PRCP: variants seen among roughly 807,000 people sequenced by gnomAD.
PRCP encodes lysosomal Pro-X carboxypeptidase.
A neutral mutation model predicts 54.2 loss-of-function variants in PRCP; 46 were observed. The ratio of observed to expected loss-of-function variants is 0.85; its 90% CI spans 0.67 to 1.09. The LOEUF (loss-of-function observed/expected upper bound fraction) is 1.09. PRCP is among the 50% of genes least tolerant of loss of function. The pLI is 0.00. For synonymous variants in PRCP, 240 were observed against 212.2 expected (o/e 1.13, Z -1.14); for missense variants, 613 against 596.8 (o/e 1.03, Z -0.28).
chr11:82,885,954 G>C (rs1348487857), intron 1 of PRCP, among the ~76,000 whole-genome samples: 1 of 152,036 alleles, frequency 6.6e-6, no homozygotes, highest in East Asian at 1.9e-4. Flanking sequence ...CCTTGGATAG[G>C]ACCTTTTTGT....
At position 82,871,270 on chromosome 11, in the gene PRCP, C is replaced by G. The variant is rs938046609; in HGVS notation, c.169-11153G>C. 1.1e-4 allele frequency among the ~76,000 whole-genome samples: 17 copies of G among 148,588 alleles called. No individual in the cohort carries two copies. The East Asian group carries it at 3.2e-3, about 28-fold the overall frequency. ...ATCTTGGCTCGTGCAAACTTCGTCT[C>G]CTGGGTTCAAGCAATTCTCCTGCCT... On this transcript the variant is annotated intron_variant, in intron 1 of 8. Coordinates refer to ENST00000313010, the MANE Select transcript of PRCP (RefSeq NM_005040.4).
At chr11:82,871,927 G>A (rs142683846) in intron 1 of PRCP, among the ~76,000 whole-genome samples, 1 of 152,318 alleles carries the variant, frequency 6.6e-6, no homozygotes, top group East Asian at 1.9e-4. Context: ...AATAACCGAT[G>A]AGTGTGCTTA....
chr11:82,849,009 T>A, intron 6 of PRCP, 40 bp downstream of exon 6: 1 of 1,570,018 alleles, frequency 6.4e-7, no homozygotes, highest in Non-Finnish European at 8.7e-7. Context: ...AAAAAAAAAG[T>A]GTGTTATTAA....
chr11:82,880,854 C>T (rs1286558817), intron 1 of PRCP, among the ~76,000 whole-genome samples: 5 of 150,380 alleles, frequency 3.3e-5, no homozygotes, highest in Admixed American at 3.3e-4. Context: ...AAAAAAAAAC[C>T]CTCTGCAAGG....
At chr11:82,871,584 T>C (rs565467251) in intron 1 of PRCP, among the ~76,000 whole-genome samples, 1 of 152,308 alleles carries the variant, frequency 6.6e-6, no homozygotes, top group East Asian at 1.9e-4. Context: ...TGGTATAATG[T>C]AAAAGGACAA....
intron 2 of PRCP, among the ~76,000 whole-genome samples, chr11:82,855,725 A>G (rs1859067483): frequency 6.6e-6 from 1 of 152,210 alleles, no homozygotes; most frequent in African/African-American, 2.4e-5. Context: ...AAGAAGACAT[A>G]CACAAGGCCA....
At chr11:82,899,974 A>G in intron 1 of PRCP, 1 of 467,750 alleles carries the variant, frequency 2.1e-6, no homozygotes, top group Non-Finnish European at 3.8e-6. Flanking sequence ...AGGGAGTTGA[A>G]GTGACTGTCG....
At chr11:82,858,924 C>T (rs1820167133) in intron 2 of PRCP, among the ~76,000 whole-genome samples, 2 of 152,120 alleles carry the variant, frequency 1.3e-5, no homozygotes, top group Admixed American at 6.5e-5. Flanking sequence ...CTTAACATTC[C>T]TAAGGAAATA....
chr11:82,868,064 A>C (rs1859384370), intron 1 of PRCP, among the ~76,000 whole-genome samples: 1 of 152,146 alleles, frequency 6.6e-6, no homozygotes, highest in East Asian at 1.9e-4. Context: ...CTTCTTTTTA[A>C]AGTCAGGATT....
At chr11:82,886,296 A>T (rs1004656794) in intron 1 of PRCP, among the ~76,000 whole-genome samples, 8 of 152,070 alleles carry the variant, frequency 5.3e-5, no homozygotes, top group Admixed American at 5.2e-4. Context: ...TTTAATTCTT[A>T]AATTTTTTGA....
At chr11:82,877,295 G>C (rs184578200) in intron 1 of PRCP, among the ~76,000 whole-genome samples, 107 of 152,318 alleles carry the variant, frequency 7.0e-4, no homozygotes, top group African/African-American at 2.5e-3. Flanking sequence ...CAGTAGAAAA[G>C]AAAAACCTAT....
chr11:82,845,637 G>C (rs1484416152), intron 6 of PRCP: 1 of 152,128 alleles, frequency 6.6e-6, no homozygotes, highest in Non-Finnish European at 1.5e-5. Context: ...ACAAACGGAA[G>C]AGATTTTTCC....
intron 6 of PRCP, chr11:82,843,371 T>C (rs1320571396): frequency 2.0e-5 from 3 of 151,632 alleles, no homozygotes; most frequent in Non-Finnish European, 4.4e-5. Flanking sequence ...CAAATAACTG[T>C]AGGATGCATA....
chr11:82,882,812 A>G (rs1388655045), intron 1 of PRCP, among the ~76,000 whole-genome samples: 2 of 151,668 alleles, frequency 1.3e-5, no homozygotes, highest in East Asian at 3.9e-4. Context: ...TTCTTAAAAT[A>G]CTGAAATATT....
chr11:82,848,259 A>ATTC (rs1388677586), intron 6 of PRCP, among the ~76,000 whole-genome samples: 4 of 152,262 alleles, frequency 2.6e-5, no homozygotes, highest in African/African-American at 9.6e-5. Flanking sequence ...CTAAAAGGAA[A>ATTC]GCTCTTTACA....
At chr11:82,900,095 TG>T in intron 1 of PRCP, 139 bp downstream of exon 1, 1 of 1,108,734 alleles carries the variant, frequency 9.0e-7, no homozygotes, top group Non-Finnish European at 1.3e-6. Flanking sequence ...GACCACCTTC[TG>T]GAAGATGTTA....
At chr11:82,846,243 G>C (rs979226471) in intron 6 of PRCP, 8 of 152,088 alleles carry the variant, frequency 5.3e-5, no homozygotes, top group African/African-American at 1.9e-4. Flanking sequence ...TCCCCAACTG[G>C]GTAGTGTTCC....
intron 1 of PRCP, among the ~76,000 whole-genome samples, chr11:82,878,051 A>G (rs1439374418): frequency 6.6e-6 from 1 of 152,200 alleles, no homozygotes; most frequent in African/African-American, 2.4e-5. Context: ...CTGGAGTCAA[A>G]GGAGATCATT....
rs545043521 is a variant in PRCP, at chr11:82,865,897, C to G, written c.169-5780G>C. 1.2e-4 allele frequency among the ~76,000 whole-genome samples: 18 copies of G among 152,204 alleles called. 2 individuals carry two copies. The South Asian group carries it at 3.3e-3, about 28-fold the overall frequency. On this transcript the variant is annotated intron_variant, in intron 1 of 8. Coordinates refer to ENST00000313010, the MANE Select transcript of PRCP (RefSeq NM_005040.4). Reference sequence around the variant, plus strand: ...AAGAACACGGGTTCCCAAAGAAGGACTAAAACATGGAAGGAAGGTGGAGTT... The same window carrying G: ...AAGAACACGGGTTCCCAAAGAAGGAGTAAAACATGGAAGGAAGGTGGAGTT...
Sources: allele counts gnomAD v4.1 joint callset (sites outside exome capture counted in the v4.1 genomes callset), GRCh38; gene constraint gnomAD v4.1.1; transcripts MANE v1.5; gene names NCBI Gene and HGNC (gene_info 2026-07-23, HGNC 2026-07-21).